Variants in NAV2 observed in about 807,000 individuals in gnomAD.
NAV2 encodes the protein neuron navigator 2.
A neutral mutation model predicts 223.2 loss-of-function variants in NAV2; 54 were observed. The observed-to-expected ratio is 0.24, with a 90% CI of 0.19 to 0.30. The LOEUF (loss-of-function observed/expected upper bound fraction) is 0.30, where lower values mean the gene tolerates loss of function less well. Ranked by LOEUF, NAV2 falls within the 10% of genes least tolerant of loss-of-function variation. The pLI is 1.00. For synonymous variants in NAV2, 1,279 were observed against 1,239.3 expected, an observed-to-expected ratio of 1.03 and a Z score of -0.67; for missense variants, 2,806 against 3,147.5, an observed-to-expected ratio of 0.89 and a Z score of 2.60.
chr11:19,437,163 C>T (rs1367479279), intron 1 of NAV2, among the ~76,000 whole-genome samples: 1 of 152,152 alleles, frequency 6.6e-6, no homozygotes, highest in South Asian at 2.1e-4. Flanking sequence ...GGAAACTGAC[C>T]ACTCATGAGA....
intron 1 of NAV2, among the ~76,000 whole-genome samples, chr11:19,725,361 G>A (rs2051149047): frequency 6.6e-6 from 1 of 152,186 alleles, no homozygotes; most frequent in South Asian, 2.1e-4. Flanking sequence ...AGTTGAGGGT[G>A]GGGAAGAGAG....
At chr11:19,748,668 A>C (rs1003516220) in intron 1 of NAV2, among the ~76,000 whole-genome samples, 10 of 152,216 alleles carry the variant, frequency 6.6e-5, no homozygotes, top group African/African-American at 2.2e-4. Flanking sequence ...AAATGTAATG[A>C]TGTGGGTAAA....
intron 1 of NAV2, among the ~76,000 whole-genome samples, chr11:19,676,183 C>T (rs2048706408): frequency 6.6e-6 from 1 of 152,170 alleles, no homozygotes. Context: ...CTCCCTGCTC[C>T]AGTCTGGCCT....
Position 20,120,789 on chromosome 11 carries a change from T to C in NAV2, c.*2531T>C, listed in dbSNP as rs2063435965. ...TAAAGTTTCGGGAAGCAGGGTTGTC[T>C]AATATGCACATTTCTTATTTTGGTC... On this transcript the variant is annotated 3_prime_UTR_variant, in exon 38 of 38. Transcript: ENST00000349880. 6.7e-6 allele frequency: 1 copy of C among 150,222 alleles called. No homozygotes were observed. Among genetic ancestry groups the C allele is most frequent in the Non-Finnish European group, 1.5e-5 (1 of 68,028 alleles). The allele number at this position is 150,222 out of a possible 1,614,324, so 9.3% of individuals were successfully genotyped here.
intron 1 of NAV2, chr11:19,714,429 G>A (rs2050115734): frequency 2.2e-6 from 1 of 458,714 alleles, no homozygotes; most frequent in Non-Finnish European, 4.4e-6. Flanking sequence ...TAAGATCCAG[G>A]AAGAAAAGGG....
intron 1 of NAV2, among the ~76,000 whole-genome samples, chr11:19,726,075 A>G (rs1386039332): frequency 1.3e-5 from 2 of 152,212 alleles, no homozygotes; most frequent in Admixed American, 1.3e-4. Context: ...ATAAGGGCAG[A>G]CAGGGTGCTT....
At chr11:19,775,666 G>T (rs1386369717) in intron 1 of NAV2, among the ~76,000 whole-genome samples, 1 of 152,188 alleles carries the variant, frequency 6.6e-6, no homozygotes, top group Non-Finnish European at 1.5e-5. Flanking sequence ...CAACAGTAAT[G>T]GAGTGGAAGA....
At chr11:19,409,827 G>A (rs1349478986) in intron 1 of NAV2, among the ~76,000 whole-genome samples, 1 of 152,094 alleles carries the variant, frequency 6.6e-6, no homozygotes, top group Admixed American at 6.5e-5. Flanking sequence ...TTGTAGAGCT[G>A]GTATTTGAAC....
chr11:19,907,531 A>AG (rs920662509), intron 6 of NAV2, among the ~76,000 whole-genome samples: 4 of 31,876 alleles, frequency 1.3e-4, no homozygotes, highest in African/African-American at 2.3e-4. Context: ...TCATAGGGGG[A>AG]GGGGGAATTT....
intron 1 of NAV2, among the ~76,000 whole-genome samples, chr11:19,515,622 TTAAA>T: frequency 6.6e-6 from 1 of 152,368 alleles, no homozygotes; most frequent in South Asian, 2.1e-4. Flanking sequence ...CAGCAGCATC[TTAAA>T]TAGTTTGACA....
At chr11:19,653,776 CA>C (rs2048039715) in intron 1 of NAV2, among the ~76,000 whole-genome samples, 1 of 152,184 alleles carries the variant, frequency 6.6e-6, no homozygotes, top group Non-Finnish European at 1.5e-5. Flanking sequence ...ACGAGGAACA[CA>C]AAGCTTAGAG....
At chr11:19,636,866 C>G (rs2047516992) in intron 1 of NAV2, among the ~76,000 whole-genome samples, 1 of 152,146 alleles carries the variant, frequency 6.6e-6, no homozygotes, top group African/African-American at 2.4e-5. Context: ...CCTGGTCAGT[C>G]CAGAATCCAG....
chr11:19,928,111 A>G (rs1347473240), intron 6 of NAV2, among the ~76,000 whole-genome samples: 1 of 152,238 alleles, frequency 6.6e-6, no homozygotes, highest in Non-Finnish European at 1.5e-5. Context: ...AACACATTTA[A>G]TATGAGTATA....
chr11:19,390,402 C>G (rs1354676175), intron 1 of NAV2, among the ~76,000 whole-genome samples: 1 of 152,100 alleles, frequency 6.6e-6, no homozygotes, highest in Non-Finnish European at 1.5e-5. Context: ...TGCTTCCCTG[C>G]CAGAAAAATA....
At chr11:19,975,867 A>C (rs1043817413) in intron 10 of NAV2, among the ~76,000 whole-genome samples, 1 of 152,156 alleles carries the variant, frequency 6.6e-6, no homozygotes, top group African/African-American at 2.4e-5. Context: ...CTCATGCTGG[A>C]TGTGAATTTT....
chr11:19,777,777 C>G (rs1433572933), intron 1 of NAV2: 1 of 440,644 alleles, frequency 2.3e-6, no homozygotes, highest in Admixed American at 2.4e-5. Flanking sequence ...TCTCTCCGTC[C>G]CTTCCACCTA....
chr11:19,788,664 C>A (rs1255173780), intron 1 of NAV2, among the ~76,000 whole-genome samples: 1 of 152,166 alleles, frequency 6.6e-6, no homozygotes, highest in Non-Finnish European at 1.5e-5. Flanking sequence ...GCTCCCTTCC[C>A]TCTCTCTCCT....
chr11:19,902,631 A>G (rs1192461493), intron 6 of NAV2, among the ~76,000 whole-genome samples: 3 of 152,162 alleles, frequency 2.0e-5, no homozygotes, highest in Non-Finnish European at 4.4e-5. Context: ...TCTTGCTTCC[A>G]TCTGTTACGT....
chr11:19,494,444 G>A (rs1212632983), intron 1 of NAV2, among the ~76,000 whole-genome samples: 2 of 152,200 alleles, frequency 1.3e-5, no homozygotes, highest in Non-Finnish European at 2.9e-5. Flanking sequence ...GTTAGGAAAG[G>A]CTGATATGCC....
Sources: gnomAD v4.1 joint callset for allele counts (sites outside exome capture counted in the v4.1 genomes callset) on GRCh38, gnomAD v4.1.1 for gene constraint, MANE v1.5 for transcripts, NCBI Gene and HGNC (gene_info 2026-07-23, HGNC 2026-07-21) for gene names.